The following SYBU variants were observed in gnomAD, a reference collection of about 807,000 sequenced individuals.
SYBU encodes GOLSYN A protein.
A neutral mutation model predicts 35.9 loss-of-function variants in SYBU; 21 were observed. The observed-to-expected ratio is 0.58, with a 90% CI of 0.41 to 0.84. The LOEUF is 0.84. Among genes scored for constraint, SYBU ranks in the 40% least tolerant of loss-of-function variants. SYBU has a pLI of 0.00. For missense variants in SYBU, 768 were observed against 848.2 expected (o/e 0.91, Z 1.17); for synonymous variants, 319 against 324.3 (o/e 0.98, Z 0.18).
chr8:109,669,793 T>C (rs1318234010), intron 1 of SYBU, among the ~76,000 whole-genome samples: 2 of 152,228 alleles, frequency 1.3e-5, no homozygotes, highest in Non-Finnish European at 2.9e-5. Flanking sequence ...TTGATTACAA[T>C]TGTCTTTGTT....
At chr8:109,667,307 G>A (rs926354401) in intron 1 of SYBU, among the ~76,000 whole-genome samples, 3 of 151,818 alleles carry the variant, frequency 2.0e-5, no homozygotes, top group East Asian at 1.9e-4. Context: ...TAGTAGAGAC[G>A]GGGTTTCACA....
chr8:109,576,764 ATTCT>A (rs998227621), intron 6 of SYBU, among the ~76,000 whole-genome samples: 4 of 152,078 alleles, frequency 2.6e-5, no homozygotes, highest in African/African-American at 9.7e-5. Flanking sequence ...TTGTATATAA[ATTCT>A]TTCTTATATA....
At position 109,586,179 on chromosome 8, in the gene SYBU, G is replaced by T; in HGVS notation, c.428-17C>A. The T allele has an allele frequency of 1.3e-6, 2 of 1,579,182 alleles. No homozygotes were observed. Among genetic ancestry groups the T allele is most frequent in the Non-Finnish European group, 1.7e-6 (2 of 1,157,576 alleles). ...CTTCACTACCTGAAAAACAACAGGG[G>T]AGAGAGAAGCGTGAGGGAAAGGAAA... On this transcript the variant is annotated splice_polypyrimidine_tract_variant and intron_variant, in intron 3 of 6. Transcript: ENST00000276646.
rs141149968 is a variant in SYBU at position 109,575,681 on chromosome 8, G to A, written c.1217C>T (p.Pro406Leu). The A allele has an allele frequency of 1.9e-6, 3 of 1,614,002 alleles. No homozygotes were observed. The highest frequency in any genetic ancestry group is 1.3e-5 in the African/African-American group (1 of 74,900). Residue 406 changes from proline (P) to leucine (L), a missense_variant, in exon 7 of 7, where the codon CCT becomes CTT. Transcript: ENST00000276646. ...TAACCCATCTGCCATTGTGTCAAGA[G>A]GGGGGTTGAGGGTTAAGCTCTTCTC... is the stretch of plus-strand genomic sequence containing the variant. ...SPEKSLTLNP[P>L]LDTMADGLSL...
At chr8:109,586,232 C>A in intron 3 of SYBU, 70 bp from the exon 4 acceptor site, 3 of 1,129,352 alleles carry the variant, frequency 2.7e-6, no homozygotes, top group East Asian at 5.1e-5. Context: ...CAGTTCCCTG[C>A]CTTCCAGGTC....
chr8:109,654,499 T>G (rs1358137561), intron 1 of SYBU, among the ~76,000 whole-genome samples: 5 of 152,242 alleles, frequency 3.3e-5, no homozygotes, highest in Non-Finnish European at 7.3e-5. Context: ...TAAATGTTGC[T>G]TTTGCTCACT....
At position 109,600,845 on chromosome 8, in the gene SYBU, C is replaced by T. The variant is rs538345144; in HGVS notation, c.428-14683G>A. Among the ~76,000 whole-genome samples, 10 of 152,226 alleles carry T rather than the reference C, an allele frequency of 6.6e-5. No individual in the cohort carries two copies. The East Asian group carries it at 1.2e-3, about 18-fold the overall frequency. ...CATCACATATTTGGAGTTCAGCAGACGTTTAATGCAAACACTTAGGATACT... is the reference window on the plus strand; with the variant it reads ...CATCACATATTTGGAGTTCAGCAGATGTTTAATGCAAACACTTAGGATACT... On this transcript the variant is annotated intron_variant, in intron 3 of 6. Coordinates refer to ENST00000276646, the MANE Select transcript of SYBU (RefSeq NM_001099754.2).
At chr8:109,583,656 C>T (rs1208277131) in intron 4 of SYBU, among the ~76,000 whole-genome samples, 1 of 152,128 alleles carries the variant, frequency 6.6e-6, no homozygotes, top group East Asian at 1.9e-4. Context: ...GGATCACAAA[C>T]TACTACAGAG....
intron 1 of SYBU, among the ~76,000 whole-genome samples, chr8:109,652,642 AATT>A (rs1816195408): frequency 6.6e-6 from 1 of 152,202 alleles, no homozygotes; most frequent in Non-Finnish European, 1.5e-5. Flanking sequence ...TTGTTCATGA[AATT>A]TTTTTTTGAC....
At chr8:109,610,560 C>T (rs2130227287) in intron 3 of SYBU, among the ~76,000 whole-genome samples, 2 of 152,358 alleles carry the variant, frequency 1.3e-5, no homozygotes, top group Middle Eastern at 6.8e-3. Flanking sequence ...CATTACTCCA[C>T]TTGACCGCAG....
At chr8:109,680,255 A>T (rs1817353300) in intron 1 of SYBU, 1 of 152,232 alleles carries the variant, frequency 6.6e-6, no homozygotes, top group African/African-American at 2.4e-5. Context: ...AATAGAAACT[A>T]ATTTAAACTC....
chr8:109,675,310 A>T (rs1050641786), intron 1 of SYBU, among the ~76,000 whole-genome samples: 1 of 152,244 alleles, frequency 6.6e-6, no homozygotes. Flanking sequence ...CGAAGTAGAT[A>T]GAGACAAGAA....
chr8:109,578,149 T>C, intron 5 of SYBU, 132 bp from the exon 6 acceptor site: 1 of 1,014,090 alleles, frequency 9.9e-7, no homozygotes, highest in South Asian at 1.8e-5. Flanking sequence ...CTTACCCCAA[T>C]ATGACGGTAT....
At chr8:109,578,143 C>T in intron 5 of SYBU, 126 bp from the exon 6 acceptor site, 1 of 1,085,914 alleles carries the variant, frequency 9.2e-7, no homozygotes, top group Non-Finnish European at 1.3e-6. Context: ...GAACTTCTTA[C>T]CCCAATATGA....
At chr8:109,616,129 A>G (rs1811764307) in intron 3 of SYBU, among the ~76,000 whole-genome samples, 1 of 148,372 alleles carries the variant, frequency 6.7e-6, no homozygotes, top group South Asian at 2.1e-4. Context: ...CTCCTGCCTC[A>G]GCCTCCTGAG....
At chr8:109,591,061 G>C (rs911824865) in intron 3 of SYBU, among the ~76,000 whole-genome samples, 1 of 152,186 alleles carries the variant, frequency 6.6e-6, no homozygotes, top group East Asian at 1.9e-4. Context: ...GATCCAAAAA[G>C]ACAACCTAGT....
rs1822815394 is a variant in SYBU at position 109,579,885 on chromosome 8, GA to G, written c.647del (p.Val216AlafsTer29). The G allele has an allele frequency of 6.4e-7, 1 of 1,568,946 alleles. No homozygotes were observed. The highest frequency in any genetic ancestry group is 1.4e-5 in the African/African-American group (1 of 72,946). ...SMLCRNQLSP[V>X]NIHPSYAPSS... ...AAGGTGCATAACTGGGATGGATATTGACAGGGCTCAGCTGATTCCTGCACAG... is the reference window on the plus strand; with the variant it reads ...AAGGTGCATAACTGGGATGGATATTGCAGGGCTCAGCTGATTCCTGCACAG... On this transcript the variant is annotated frameshift_variant, in exon 5 of 7. Transcript: ENST00000276646. LOFTEE classifies it high-confidence loss of function.
At chr8:109,679,910 G>A (rs1043464445) in intron 1 of SYBU, among the ~76,000 whole-genome samples, 4 of 152,148 alleles carry the variant, frequency 2.6e-5, no homozygotes, top group Non-Finnish European at 4.4e-5. Context: ...TCACCTGCAA[G>A]AGTCTCCAAG....
At chr8:109,593,008 T>C (rs1398690700) in intron 3 of SYBU, among the ~76,000 whole-genome samples, 1 of 152,176 alleles carries the variant, frequency 6.6e-6, no homozygotes, top group Non-Finnish European at 1.5e-5. Flanking sequence ...TTATTATTAA[T>C]AATGCAGTGG....
Sources: allele counts gnomAD v4.1 joint callset (sites outside exome capture counted in the v4.1 genomes callset), GRCh38; gene constraint gnomAD v4.1.1; transcripts MANE v1.5; gene names NCBI Gene and HGNC (gene_info 2026-07-23, HGNC 2026-07-21).